Variants in SMC2 observed in about 807,000 individuals in gnomAD.
The protein encoded by SMC2 is structural maintenance of chromosomes protein 2.
SMC2 carries 41 observed loss-of-function variants against 142.6 expected under a neutral mutation model. The observed-to-expected ratio is 0.29, with a 90% CI of 0.22 to 0.37. The LOEUF (loss-of-function observed/expected upper bound fraction) is 0.37. Ranked by LOEUF, SMC2 falls within the 10% of genes least tolerant of loss-of-function variation. The pLI, the probability that SMC2 is intolerant of heterozygous loss-of-function variation, is 1.00. For missense variants in SMC2, 1,265 were observed against 1,373.7 expected (o/e 0.92, Z 1.25); for synonymous variants, 463 against 457.5 (o/e 1.01, Z -0.15).
At chr9:104,119,456 G>A (rs571787971) in intron 15 of SMC2, among the ~76,000 whole-genome samples, 4 of 152,168 alleles carry the variant, frequency 2.6e-5, no homozygotes, top group African/African-American at 9.6e-5. Context: ...TGTGAAATCG[G>A]CTTATTCTGC....
At chr9:104,131,554 C>T (rs1212325502) in intron 21 of SMC2, among the ~76,000 whole-genome samples, 5 of 151,472 alleles carry the variant, frequency 3.3e-5, no homozygotes, top group African/African-American at 9.7e-5. Flanking sequence ...TCCTATATAT[C>T]ATGGTGAAGG....
At chr9:104,096,598 C>A (rs772418021) in intron 3 of SMC2, among the ~76,000 whole-genome samples, 1 of 152,228 alleles carries the variant, frequency 6.6e-6, no homozygotes, top group Non-Finnish European at 1.5e-5. Context: ...TACTTGAGAT[C>A]TTTCAATCTT....
At chr9:104,121,964 A>G (rs752415263) in intron 16 of SMC2, among the ~76,000 whole-genome samples, 2 of 152,174 alleles carry the variant, frequency 1.3e-5, no homozygotes, top group Non-Finnish European at 2.9e-5. Context: ...CACGTTGGCC[A>G]GGTTGGTCTC....
chr9:104,111,857 A>G (rs1384232509), intron 10 of SMC2, 43 bp downstream of exon 10: 2 of 1,382,400 alleles, frequency 1.4e-6, no homozygotes, highest in South Asian at 1.3e-5. Context: ...TTTTTTTCCA[A>G]GAAGTTTCTT....
intron 10 of SMC2, 144 bp downstream of exon 10, chr9:104,111,958 C>A (rs1475712405): frequency 1.6e-6 from 1 of 610,848 alleles, no homozygotes; most frequent in Non-Finnish European, 2.8e-6. Flanking sequence ...AACTCTAATG[C>A]CTAATGCAGC....
At chr9:104,137,960 GTGTTTTGA>G in intron 23 of SMC2, 50 bp from the exon 24 acceptor site, 2 of 1,279,440 alleles carry the variant, frequency 1.6e-6, no homozygotes, top group East Asian at 4.9e-5. Context: ...ATTTGCTTCA[GTGTTTTGA>G]TAAGTGATAA....
chr9:104,136,755 C>CTTTTTTTTTTTTTTT (rs755408895), intron 23 of SMC2, among the ~76,000 whole-genome samples: 4 of 119,832 alleles, frequency 3.3e-5, no homozygotes, highest in African/African-American at 9.4e-5. Flanking sequence ...CTGTTTTATT[C>CTTTTTTTTTTTTTTT]TTTTTTTTTT....
At chr9:104,092,815 A>G (rs1830034463), upstream of SMC2, 1 of 152,232 alleles carries the variant, frequency 6.6e-6, no homozygotes, top group Admixed American at 6.5e-5. Context: ...GGGCCAAGAA[A>G]GCAACTTTAA....
rs1835893672 is a variant in SMC2, at chr9:104,139,562, G to T, written c.*247G>T. The T allele has an allele frequency of 9.6e-6, 3 of 312,828 alleles. No individual in the cohort carries two copies. Among genetic ancestry groups the T allele is most frequent in the Non-Finnish European group, 1.7e-5 (3 of 173,206 alleles). 19.4% of individuals were successfully genotyped at this position (312,828 alleles called of 1,614,324 possible). On this transcript the variant is annotated 3_prime_UTR_variant, in exon 25 of 25. Coordinates refer to ENST00000374793, the MANE Select transcript of SMC2 (RefSeq NM_006444.3). ...TCATCAAATGTTTTTTTCTTATGCGGGTCTTTTATATATTAGGGATCCTGA... is the reference window on the plus strand; with the variant it reads ...TCATCAAATGTTTTTTTCTTATGCGTGTCTTTTATATATTAGGGATCCTGA...
intron 3 of SMC2, 36 bp from the exon 4 acceptor site, chr9:104,098,410 G>A (rs368804202): frequency 6.5e-7 from 1 of 1,531,446 alleles, no homozygotes; most frequent in South Asian, 1.2e-5. Context: ...AGGTGTGCAT[G>A]TACATTAATA....
chr9:104,129,482 A>G (rs907484105), intron 20 of SMC2, among the ~76,000 whole-genome samples, 163 bp from the exon 21 acceptor site: 7 of 151,476 alleles, frequency 4.6e-5, no homozygotes, highest in African/African-American at 1.7e-4. Flanking sequence ...AGCTTGGGCA[A>G]CAAGAGTGAA....
At chr9:104,104,005 C>T (rs2131333703) in intron 9 of SMC2, among the ~76,000 whole-genome samples, 1 of 151,968 alleles carries the variant, frequency 6.6e-6, no homozygotes, top group South Asian at 2.1e-4. Flanking sequence ...TTGTCATGTC[C>T]TTAAGCTTCA....
upstream of SMC2, among the ~76,000 whole-genome samples, chr9:104,089,406 G>A (rs184427126): frequency 1.1e-4 from 16 of 152,124 alleles, no homozygotes; most frequent in Admixed American, 9.8e-4. Context: ...AGATGTGTGT[G>A]GATTTGAAAT....
upstream of SMC2, among the ~76,000 whole-genome samples, chr9:104,090,089 G>T (rs941708160): frequency 2.4e-4 from 37 of 152,276 alleles, no homozygotes; most frequent in Admixed American, 5.9e-4. Flanking sequence ...TGTTCTTCAC[G>T]AAAAGTAAAT....
Position 104,123,172 on chromosome 9 carries a change from C to A in SMC2, c.2197C>A (p.Leu733Ile), listed in dbSNP as rs1178333992. The A allele has an allele frequency of 3.1e-6, 5 of 1,611,822 alleles. No individual in the cohort carries two copies. The highest frequency in any genetic ancestry group is 3.3e-4 in the Middle Eastern group (2 of 6,072). ...AGAGGCAGATTTATTACAAACCAAGCTCCAGCAAAGCTCATATCACAAGCA... is the reference window on the plus strand; with the variant it reads ...AGAGGCAGATTTATTACAAACCAAGATCCAGCAAAGCTCATATCACAAGCA... ...TEEADLLQTK[L>I]QQSSYHKQQE... The change falls in exon 17 of 25, where the codon CTC (leucine) becomes ATC (isoleucine). Residue 733 changes from leucine to isoleucine, a missense_variant. By Grantham distance (5) the Leu-to-Ile change is conservative. This residue lies in a region of SMC2 where 898 missense variants were observed against 904.2 expected (regional missense o/e 0.99). Coordinates refer to ENST00000374793, the MANE Select transcript of SMC2 (RefSeq NM_006444.3).
In SMC2 at chr9:104,094,341, G is replaced by A. The variant is rs1830197345; in HGVS notation, c.-198G>A. ...TAAATAGTTCCGGCGCGGGTGTTGA[G>A]AGCGGTGTGGCAGGTGTTGTAGCCG... On this transcript the variant is annotated 5_prime_UTR_variant, in exon 1 of 25. Coordinates refer to ENST00000374793, the MANE Select transcript of SMC2 (RefSeq NM_006444.3). 5 of 398,652 alleles carry A rather than the reference G, an allele frequency of 1.3e-5. No individual in the cohort carries two copies. 24.7% of individuals were successfully genotyped at this position (398,652 alleles called of 1,614,324 possible).
In SMC2 at chr9:104,095,311, C is replaced by A; in HGVS notation, c.-61-13C>A. ...ACATTCCACTTAGGTGGTGGTATTTCTGTTTCGTACAGAACTGGTTTGTGG... is the reference window on the plus strand; with the variant it reads ...ACATTCCACTTAGGTGGTGGTATTTATGTTTCGTACAGAACTGGTTTGTGG... On this transcript the variant is annotated splice_polypyrimidine_tract_variant and intron_variant, in intron 1 of 24. Transcript: ENST00000374793. 3 of 1,230,728 alleles carry A rather than the reference C, an allele frequency of 2.4e-6. No individual in the cohort carries two copies. Among genetic ancestry groups the A allele is most frequent in the Non-Finnish European group, 3.5e-6 (3 of 869,208 alleles). 76.2% of individuals were successfully genotyped at this position (1,230,728 alleles called of 1,614,324 possible).
At chr9:104,090,831 ATAACAGAAC>A (rs1185872679), upstream of SMC2, among the ~76,000 whole-genome samples, 1 of 107,702 alleles carries the variant, frequency 9.3e-6, no homozygotes. Flanking sequence ...AAAGCTAAAA[ATAACAGAAC>A]TAACAGAAAA....
At chr9:104,118,469 C>A in intron 15 of SMC2, 94 bp downstream of exon 15, 1 of 991,856 alleles carries the variant, frequency 1.0e-6, no homozygotes, top group Non-Finnish European at 1.5e-6. Flanking sequence ...CCCACTTCTT[C>A]AGGAAACATG....
Sources: allele counts gnomAD v4.1 joint callset (sites outside exome capture counted in the v4.1 genomes callset), GRCh38; gene constraint gnomAD v4.1.1; regional missense constraint gnomAD v4.1.1; transcripts MANE v1.5; gene names NCBI Gene and HGNC (gene_info 2026-07-23, HGNC 2026-07-21).